Variants in CNDP1 observed in about 807,000 individuals in gnomAD.
CNDP1 encodes the protein beta-Ala-His dipeptidase.
In CNDP1, 44 loss-of-function variants were observed where a neutral mutation model predicts 58.1. The observed-to-expected ratio is 0.76, with a 90% CI of 0.60 to 0.97. The LOEUF is 0.97. Among genes scored for constraint, CNDP1 ranks in the 50% least tolerant of loss-of-function variants. The pLI is 0.00. For missense variants in CNDP1, 616 were observed against 655.1 expected, an observed-to-expected ratio of 0.94 and a Z score of 0.65; for synonymous variants, 254 against 252.6, an observed-to-expected ratio of 1.01 and a Z score of -0.05.
Position 74,541,619 on chromosome 18 carries a change from G to A in CNDP1, c.24+6928G>A, listed in dbSNP as rs565620525. On this transcript the variant is annotated intron_variant, in intron 1 of 11. Coordinates refer to ENST00000358821, the MANE Select transcript of CNDP1 (RefSeq NM_032649.6). The stretch of plus-strand genomic sequence containing the variant: ...GGGAGCCTGGGTGGTCTGTTGCATT[G>A]TTGGTCTCACCATCACAGGGCAGGC... Among the ~76,000 whole-genome samples the A allele has an allele frequency of 8.9e-4, 135 of 152,280 alleles. 1 individual carries two copies. The highest frequency in any genetic ancestry group is 3.2e-3 in the African/African-American group (131 of 41,564).
At chr18:74,577,359 A>G (rs747915377) in intron 8 of CNDP1, 10 of 181,418 alleles carry the variant, frequency 5.5e-5, no homozygotes, top group Admixed American at 3.7e-4. Flanking sequence ...CTTTTCAAAG[A>G]CCAAGAAAAG....
At chr18:74,582,489 T>A (rs1258834682) in intron 10 of CNDP1, among the ~76,000 whole-genome samples, 1 of 152,236 alleles carries the variant, frequency 6.6e-6, no homozygotes, top group African/African-American at 2.4e-5. Context: ...TATTGGCATA[T>A]CTGTCACCAA....
At chr18:74,574,231 T>C (rs891124567) in intron 7 of CNDP1, among the ~76,000 whole-genome samples, 5 of 152,188 alleles carry the variant, frequency 3.3e-5, no homozygotes, top group Non-Finnish European at 5.9e-5. Flanking sequence ...CAATAAACGC[T>C]AGTGAGCGCC....
chr18:74,540,922 T>C (rs1980605465), intron 1 of CNDP1, among the ~76,000 whole-genome samples: 1 of 152,238 alleles, frequency 6.6e-6, no homozygotes, highest in African/African-American at 2.4e-5. Flanking sequence ...TGAGGAATGC[T>C]GCAAACATCA....
chr18:74,542,050 C>T (rs1454897545), intron 1 of CNDP1, among the ~76,000 whole-genome samples: 2 of 152,198 alleles, frequency 1.3e-5, no homozygotes, highest in Non-Finnish European at 2.9e-5. Context: ...GCTCCAGTGC[C>T]CTGGGATCCC....
rs1360226154 is a variant in CNDP1 at position 74,579,187 on chromosome 18, T to TGCC, written c.1167+860_1167+861insGCC. Among the ~76,000 whole-genome samples the TGCC allele has an allele frequency of 2.5e-3, 195 of 78,500 alleles. 1 individual carries two copies. Among genetic ancestry groups the TGCC allele is most frequent in the South Asian group, 4.4e-3 (7 of 1,606 alleles). The allele number at this position is 78,500 out of a possible 152,430, so 51.5% of individuals were successfully genotyped here. A position where few individuals can be genotyped will look rare whatever the true frequency, so the allele number is the denominator to read the frequency against. ...CCTCTCTCCCTTCTCCCTTCTCCCTTTCCTTCCCTTCCCTTGCCTTCCCTT... is the reference window on the plus strand; with the variant it reads ...CCTCTCTCCCTTCTCCCTTCTCCCTTGCCTCCTTCCCTTCCCTTGCCTTCCCTT... On this transcript the variant is annotated intron_variant, in intron 9 of 11. Coordinates refer to ENST00000358821, the MANE Select transcript of CNDP1 (RefSeq NM_032649.6).
chr18:74,563,958 C>T (rs756923480), intron 5 of CNDP1, among the ~76,000 whole-genome samples: 3 of 152,188 alleles, frequency 2.0e-5, no homozygotes, highest in East Asian at 1.9e-4. Flanking sequence ...CACACAGAAC[C>T]TTCAGATATT....
intron 5 of CNDP1, among the ~76,000 whole-genome samples, chr18:74,562,471 T>C (rs1477571103): frequency 2.6e-5 from 4 of 152,260 alleles, no homozygotes. Context: ...GGTCTTTTTT[T>C]CTTTAATCCT....
intron 5 of CNDP1, among the ~76,000 whole-genome samples, chr18:74,565,783 C>A (rs963452164): frequency 1.3e-5 from 2 of 152,158 alleles, no homozygotes; most frequent in Admixed American, 6.5e-5. Flanking sequence ...GTGGATCTAC[C>A]ATTCTGGGGT....
chr18:74,574,190 C>T (rs528009195), intron 7 of CNDP1, among the ~76,000 whole-genome samples: 1 of 152,370 alleles, frequency 6.6e-6, no homozygotes, highest in African/African-American at 2.4e-5. Context: ...AGCCTCCTCA[C>T]CTCTCTGTCT....
intron 1 of CNDP1, among the ~76,000 whole-genome samples, chr18:74,547,785 G>A (rs1008293247): frequency 6.6e-6 from 1 of 152,230 alleles, no homozygotes; most frequent in Non-Finnish European, 1.5e-5. Flanking sequence ...AGGACCTCTC[G>A]CTTCGGGGGA....
At chr18:74,569,605 C>T (rs1370096938) in intron 6 of CNDP1, among the ~76,000 whole-genome samples, 4 of 152,110 alleles carry the variant, frequency 2.6e-5, no homozygotes, top group South Asian at 2.1e-4. Context: ...TTAGCGTGAG[C>T]ACCGCATGGT....
intron 8 of CNDP1, chr18:74,577,696 G>A (rs989898486): frequency 6.5e-6 from 1 of 153,226 alleles, no homozygotes; most frequent in African/African-American, 2.4e-5. Context: ...GCTCCAGGAT[G>A]GCCAGAAGAA....
Position 74,584,508 on chromosome 18 carries a change from A to G in CNDP1, c.1470A>G (p.Ile490Met). ...TTCCTCTTCTTAGGTGGAACTACAT[A>G]GAGGGAACCAAATTATTTGCTGCCT... Reference protein sequence around the residue: ...QNEKINRWNYIEGTKLFAAFF... With the variant: ...QNEKINRWNYMEGTKLFAAFF... The change falls in exon 12 of 12, where the codon ATA becomes ATG. Residue 490 changes from isoleucine to methionine, a missense_variant. By Grantham distance (10) the Ile-to-Met change is conservative. Coordinates refer to ENST00000358821, the MANE Select transcript of CNDP1 (RefSeq NM_032649.6). 1.2e-6 allele frequency: 2 copies of G among 1,613,192 alleles called. No homozygotes were observed. The highest frequency in any genetic ancestry group is 1.7e-6 in the Non-Finnish European group (2 of 1,179,126).
chr18:74,570,241 T>TAA (rs56277809), intron 6 of CNDP1, among the ~76,000 whole-genome samples: 8 of 71,070 alleles, frequency 1.1e-4, no homozygotes, highest in African/African-American at 5.9e-4. Flanking sequence ...TAATAAATAA[T>TAA]TAAAAAAAAA....
chr18:74,579,570 A>G (rs954076119), intron 9 of CNDP1, among the ~76,000 whole-genome samples: 2 of 152,096 alleles, frequency 1.3e-5, no homozygotes, highest in Non-Finnish European at 2.9e-5. Context: ...AAATTTGAAT[A>G]TGGCACCTCC....
At position 74,583,643 on chromosome 18, in the gene CNDP1, C is replaced by G. The variant is rs201554681; in HGVS notation, c.1392C>G (p.Ser464Arg). 6.2e-7 allele frequency: 1 copy of G among 1,614,094 alleles called. No homozygotes were observed. Among genetic ancestry groups the G allele is most frequent in the South Asian group, 1.1e-5 (1 of 91,082 alleles). ...TGTTCCAGGAGATCGTCCACAAGAG[C>G]GTGGTGCTAATTCCGCTGGGAGCTG... ...AKMFQEIVHK[S>R]VVLIPLGAVD... is the part of the protein sequence containing the mutation. The change falls in exon 11 of 12, where the codon AGC (serine) becomes AGG (arginine). Residue 464 changes from serine (S) to arginine (R), a missense_variant. Transcript: ENST00000358821.
chr18:74,551,151 C>T (rs1214891841), intron 1 of CNDP1, among the ~76,000 whole-genome samples: 2 of 152,084 alleles, frequency 1.3e-5, no homozygotes, highest in African/African-American at 4.8e-5. Flanking sequence ...CCTGCCTGTT[C>T]CTGCTTCACC....
intron 11 of CNDP1, chr18:74,584,275 G>C (rs1981859581): frequency 1.9e-6 from 1 of 528,256 alleles, no homozygotes; most frequent in African/African-American, 1.9e-5. Context: ...ATTCACTTTT[G>C]GATTTGAGTC....
Sources: gnomAD v4.1 joint callset for allele counts (sites outside exome capture counted in the v4.1 genomes callset) on GRCh38, gnomAD v4.1.1 for gene constraint, MANE v1.5 for transcripts, NCBI Gene and HGNC (gene_info 2026-07-23, HGNC 2026-07-21) for gene names.